The following SGCD variants were observed in gnomAD, a reference collection of about 807,000 sequenced individuals.
The protein encoded by SGCD is sarcoglycan delta.
Under a neutral mutation model 36.6 loss-of-function variants are expected in SGCD, and 18 were observed. That is an observed-to-expected ratio of 0.49 (90% confidence interval 0.34 to 0.73). The LOEUF is 0.73. SGCD is among the 30% of genes least tolerant of loss of function. The pLI is 0.01. For synonymous variants in SGCD, 133 were observed against 130.6 expected (o/e 1.02, Z -0.12); for missense variants, 387 against 346.7 (o/e 1.12, Z -0.92).
chr5:156,024,051 A>G (rs1453859138), intron 1 of SGCD, among the ~76,000 whole-genome samples: 5 of 152,158 alleles, frequency 3.3e-5, no homozygotes, highest in African/African-American at 1.2e-4. Context: ...CACAGTGATC[A>G]TGATTTAGTC....
chr5:156,111,350 C>G (rs6891351), intron 1 of SGCD, among the ~76,000 whole-genome samples: 24,824 of 152,054 alleles, frequency 0.16, 3,240 homozygotes, highest in East Asian at 0.46. Flanking sequence ...GGGGCCAGGT[C>G]TCAGATGACC....
rs561264402 is a variant in SGCD, at chr5:156,146,346, G to A, written c.-44+22327G>A. On this transcript the variant is annotated intron_variant, in intron 3 of 9. Coordinates refer to the SGCD transcript ENST00000517913. ...TAATTTATATTGTCATAATAAACTG[G>A]TTTTCAACTTTAGAATTAACCTATA... Among the ~76,000 whole-genome samples the A allele has an allele frequency of 7.2e-5, 11 of 152,154 alleles. 1 individual carries two copies. The highest frequency in any genetic ancestry group is 5.9e-5 in the Non-Finnish European group (4 of 68,026).
intron 1 of SGCD, among the ~76,000 whole-genome samples, chr5:156,075,463 T>C (rs1430376594): frequency 6.6e-6 from 1 of 152,202 alleles, no homozygotes; most frequent in Non-Finnish European, 1.5e-5. Context: ...GGGATTTTGA[T>C]CTTTCAAGAT....
the SGCD span, among the ~76,000 whole-genome samples, chr5:155,772,827 C>T: frequency 6.6e-6 from 1 of 151,998 alleles, no homozygotes; most frequent in Non-Finnish European, 1.5e-5. Flanking sequence ...CTACTAACCC[C>T]TATTGAAATG....
chr5:156,640,215 T>C (rs1237477827), intron 6 of SGCD, among the ~76,000 whole-genome samples: 1 of 152,170 alleles, frequency 6.6e-6, no homozygotes, highest in Non-Finnish European at 1.5e-5. Context: ...GAAATCTTAC[T>C]ATCATAGATA....
chr5:156,682,707 T>C (rs76298111), intron 7 of SGCD, among the ~76,000 whole-genome samples: 3,402 of 152,294 alleles, frequency 0.022, 80 homozygotes, highest in African/African-American at 0.049. Flanking sequence ...ATGGAGGATA[T>C]CATTTGATCA....
Position 156,058,177 on chromosome 5 carries a change from C to A in SGCD, c.-281-59701C>A, listed in dbSNP as rs1187579080. ...CCAAAAAATCAAAACTGATTCTGAG[C>A]AAGCCTTTAGATATAATTACCAATT... On this transcript the variant is annotated intron_variant, in intron 1 of 9. Transcript: ENST00000517913. Among the ~76,000 whole-genome samples the A allele has an allele frequency of 2.1e-5, 3 of 145,898 alleles. 1 individual carries two copies. Among genetic ancestry groups the A allele is most frequent in the African/African-American group, 7.4e-5 (3 of 40,528 alleles).
chr5:155,791,643 C>A, the SGCD span, among the ~76,000 whole-genome samples: 1 of 152,000 alleles, frequency 6.6e-6, no homozygotes, highest in Non-Finnish European at 1.5e-5. Flanking sequence ...AAATCAAGAA[C>A]ACAGTCCCAT....
chr5:155,804,784 A>T, the SGCD span, among the ~76,000 whole-genome samples: 657 of 152,362 alleles, frequency 4.3e-3, 4 homozygotes, highest in Non-Finnish European at 6.1e-3. Flanking sequence ...CCTCATACAC[A>T]TAGAGTAAGT....
intron 3 of SGCD, among the ~76,000 whole-genome samples, chr5:156,402,939 T>G (rs911359438): frequency 1.3e-5 from 2 of 152,230 alleles, no homozygotes; most frequent in African/African-American, 4.8e-5. Context: ...TACATTTAAT[T>G]TTTTGAAGAA....
intron 3 of SGCD, among the ~76,000 whole-genome samples, chr5:156,423,449 A>G (rs1773517078): frequency 9.9e-6 from 1 of 100,566 alleles, no homozygotes; most frequent in South Asian, 2.7e-4. Context: ...TATTTATTTT[A>G]TTATAATATA....
intron 3 of SGCD, among the ~76,000 whole-genome samples, chr5:156,302,990 C>T (rs1767094685): frequency 6.6e-6 from 1 of 152,244 alleles, no homozygotes; most frequent in South Asian, 2.1e-4. Flanking sequence ...GATGTTTACT[C>T]AAGGACCAAG....
At chr5:155,777,084 T>C in the SGCD span, among the ~76,000 whole-genome samples, 1 of 152,084 alleles carries the variant, frequency 6.6e-6, no homozygotes, top group Non-Finnish European at 1.5e-5. Flanking sequence ...TTCCTGCTTG[T>C]GAGTTGTTGG....
intron 1 of SGCD, among the ~76,000 whole-genome samples, chr5:156,117,627 TCACAAAGAA>T (rs1162881902): frequency 6.6e-6 from 1 of 152,090 alleles, no homozygotes; most frequent in Non-Finnish European, 1.5e-5. Flanking sequence ...AAATTGATTA[TCACAAAGAA>T]CTCTTTGAGA....
intron 1 of SGCD, among the ~76,000 whole-genome samples, chr5:155,940,654 C>A (rs1757302165): frequency 6.6e-6 from 1 of 152,006 alleles, no homozygotes; most frequent in Non-Finnish European, 1.5e-5. Flanking sequence ...ACCAGCCTGG[C>A]CAATATGGTG....
intron 3 of SGCD, among the ~76,000 whole-genome samples, chr5:156,362,035 A>G (rs1421068847): frequency 6.6e-6 from 1 of 152,208 alleles, no homozygotes; most frequent in Non-Finnish European, 1.5e-5. Context: ...AGCAAGTTCA[A>G]AAGCCCTGAT....
At chr5:155,793,545 TC>T in the SGCD span, among the ~76,000 whole-genome samples, 1 of 151,840 alleles carries the variant, frequency 6.6e-6, no homozygotes, top group Non-Finnish European at 1.5e-5. Context: ...AGTTTTTTTT[TC>T]TTTTTTTTTT....
At chr5:156,080,163 C>T (rs1760913622) in intron 1 of SGCD, among the ~76,000 whole-genome samples, 1 of 152,194 alleles carries the variant, frequency 6.6e-6, no homozygotes, top group Non-Finnish European at 1.5e-5. Flanking sequence ...GTATCTCAGG[C>T]TCTTTGAGCC....
intron 3 of SGCD, among the ~76,000 whole-genome samples, chr5:156,288,473 A>G (rs926204086): frequency 6.6e-6 from 1 of 152,160 alleles, no homozygotes; most frequent in Non-Finnish European, 1.5e-5. Context: ...TACAATAAGC[A>G]TTATATGATG....
Sources: gnomAD v4.1 joint callset for allele counts (sites outside exome capture counted in the v4.1 genomes callset) on GRCh38, gnomAD v4.1.1 for gene constraint, MANE v1.5 for transcripts, NCBI Gene and HGNC (gene_info 2026-07-23, HGNC 2026-07-21) for gene names.